KAT6B: variants seen among roughly 807,000 people sequenced by gnomAD.
KAT6B encodes histone acetyltransferase KAT6B.
Under a neutral mutation model 187.5 loss-of-function variants are expected in KAT6B, and 10 were observed. The ratio of observed to expected loss-of-function variants is 0.05; its 90% CI spans 0.03 to 0.09. KAT6B has a LOEUF of 0.09. Ranked by LOEUF, KAT6B falls within the 10% of genes least tolerant of loss-of-function variation. The probability of loss-of-function intolerance (pLI) is 1.00; values close to 1 mark genes in which losing one functional copy is unlikely to be tolerated. For synonymous variants in KAT6B, 861 were observed against 926.8 expected (o/e 0.93, Z 1.29); for missense variants, 1,952 against 2,558.9 (o/e 0.76, Z 5.12).
At chr10:74,826,567 T>C (rs1840238246), upstream of KAT6B, 1 of 152,684 alleles carries the variant, frequency 6.5e-6, no homozygotes, top group African/African-American at 2.4e-5. Context: ...GGACCGCGAC[T>C]CGGGTTTAAT....
At position 75,029,933 on chromosome 10, in the gene KAT6B, C is replaced by T; in HGVS notation, c.5109C>T (p.Ser1703=). The change falls in exon 18 of 18, where the codon AGC becomes AGT. Residue 1703 remains serine (S), a synonymous_variant. Transcript: ENST00000287239. This position sits in a 1 kb window ranked among gnomAD's most constrained non-coding sequence, Gnocchi z 6.2. ...SICGNGSSQN[S]CSYSNLTSSS... ...GTGGAAACGGCTCTTCACAGAACAGCTGCTCCTATAGCAACCTCACCTCCA... is the reference window on the plus strand; with the variant it reads ...GTGGAAACGGCTCTTCACAGAACAGTTGCTCCTATAGCAACCTCACCTCCA... 1 of 1,614,244 alleles carries T rather than the reference C, an allele frequency of 6.2e-7. No homozygotes were observed. The highest frequency in any genetic ancestry group is 2.2e-5 in the East Asian group (1 of 44,890).
chr10:74,897,383 C>A (rs1191446731), intron 3 of KAT6B, among the ~76,000 whole-genome samples: 1 of 152,208 alleles, frequency 6.6e-6, no homozygotes, highest in South Asian at 2.1e-4. Flanking sequence ...ACCTAGAGTA[C>A]CTGTTTTCTG....
At position 74,979,237 on chromosome 10, in the gene KAT6B, A is replaced by C. The variant is rs371823072; in HGVS notation, c.2129A>C (p.Glu710Ala). Residue 710 changes from glutamate (E) to alanine (A), a missense_variant, in exon 10 of 18, where the codon GAG becomes GCG. This residue lies in a region of KAT6B where 417 missense variants were observed against 508.9 expected (regional missense o/e 0.82). Transcript: ENST00000287239. ...TCTATTTGACAGAAAATAGAGTGTG[A>C]GAGTGGGGTGGAAGACTGTGGCCGG... ...QELSWEKIECESGVEDCGRYP... is the reference protein window; with the variant it reads ...QELSWEKIECASGVEDCGRYP... 6.2e-7 allele frequency: 1 copy of C among 1,611,132 alleles called. No homozygotes were observed. Among genetic ancestry groups the C allele is most frequent in the African/African-American group, 1.3e-5 (1 of 74,840 alleles).
chr10:74,826,995 CTCTAGGGCAAGGGGGCGGGG>C (rs1840304809), intron 1 of KAT6B: 1 of 138 alleles, frequency 7.2e-3, no homozygotes, highest in Non-Finnish European at 0.017. Flanking sequence ...CTCGGCAGGG[CTCTAGGGCAAGGGGGCGGGG>C]CTCGAGGGCG....
At chr10:75,027,160 T>C (rs566811383) in intron 17 of KAT6B, among the ~76,000 whole-genome samples, 3 of 152,122 alleles carry the variant, frequency 2.0e-5, no homozygotes, top group Admixed American at 2.0e-4. Flanking sequence ...GAATGTGGAA[T>C]CCGGGGGCAC....
In KAT6B at chr10:74,992,296, G is replaced by A. The variant is rs563527609; in HGVS notation, c.2629+3184G>A. On this transcript the variant is annotated intron_variant, in intron 13 of 17. Transcript: ENST00000287239. Reference sequence around the variant, plus strand: ...ACATGGGTGGAATGTGATGCACTGTGTGTATATACATGCTCCTAGACTTAC... The same window carrying A: ...ACATGGGTGGAATGTGATGCACTGTATGTATATACATGCTCCTAGACTTAC... Among the ~76,000 whole-genome samples the A allele has an allele frequency of 3.3e-5, 5 of 152,300 alleles. No homozygotes were observed. In the South Asian group the frequency reaches 1.0e-3, roughly 32 times the overall value.
At chr10:74,976,499 C>G in intron 8 of KAT6B, 169 bp downstream of exon 8, 1 of 661,088 alleles carries the variant, frequency 1.5e-6, no homozygotes, top group Non-Finnish European at 2.7e-6. Context: ...TTTTCTAATG[C>G]TGACTAAACC....
chr10:74,842,496 TC>T (rs1452331187), intron 2 of KAT6B, 103 bp from the exon 3 acceptor site: 3 of 495,020 alleles, frequency 6.1e-6, no homozygotes, highest in Non-Finnish European at 1.0e-5. Flanking sequence ...TGTCATTACT[TC>T]TTGTGGTCAT....
intron 3 of KAT6B, among the ~76,000 whole-genome samples, chr10:74,905,876 G>T (rs1272392074): frequency 6.6e-6 from 1 of 152,108 alleles, no homozygotes; most frequent in Non-Finnish European, 1.5e-5. Flanking sequence ...TTCCATCCAT[G>T]CCTTGCAATG....
chr10:74,985,309 G>T, intron 12 of KAT6B, 68 bp downstream of exon 12: 2 of 1,445,002 alleles, frequency 1.4e-6, no homozygotes, highest in South Asian at 1.2e-5. Flanking sequence ...CCAATTCTTT[G>T]AACAGGGCTT....
At chr10:75,027,779 A>G (rs1218583703) in intron 17 of KAT6B, among the ~76,000 whole-genome samples, 1 of 152,216 alleles carries the variant, frequency 6.6e-6, no homozygotes, top group Non-Finnish European at 1.5e-5. Flanking sequence ...TCCAGAATTC[A>G]GTGTGGACAG....
chr10:74,963,502 G>C (rs1841244690), intron 4 of KAT6B, among the ~76,000 whole-genome samples: 1 of 152,142 alleles, frequency 6.6e-6, no homozygotes, highest in Non-Finnish European at 1.5e-5. Context: ...AGCTGGGTGA[G>C]TGAGAGAAAT....
chr10:74,910,239 G>A (rs1346176070), intron 3 of KAT6B, among the ~76,000 whole-genome samples: 6 of 151,990 alleles, frequency 3.9e-5, no homozygotes, highest in African/African-American at 1.2e-4. Context: ...CGGAGGTTGC[G>A]GTGAGCCAAG....
intron 3 of KAT6B, among the ~76,000 whole-genome samples, chr10:74,952,537 CTAGT>C (rs1348235290): frequency 6.6e-6 from 1 of 152,128 alleles, no homozygotes; most frequent in Non-Finnish European, 1.5e-5. Flanking sequence ...CTCCATCTCA[CTAGT>C]TAGGTGACCT....
At chr10:74,935,251 A>G (rs563264974) in intron 3 of KAT6B, among the ~76,000 whole-genome samples, 2 of 142,534 alleles carry the variant, frequency 1.4e-5, no homozygotes, top group South Asian at 4.8e-4. Context: ...CCGATATTAT[A>G]CATATGTACA....
Position 74,907,660 on chromosome 10 carries a change from G to T in KAT6B, c.622-52310G>T, listed in dbSNP as rs1846871988. On this transcript the variant is annotated intron_variant, in intron 3 of 17. Transcript: ENST00000287239. ...TTCTCCTACCTCAGCTTCCCAAGTA[G>T]CTGGGATTACAAGTGCCCACCACTA... Among the ~76,000 whole-genome samples, 4 of 152,072 alleles carry T rather than the reference G, an allele frequency of 2.6e-5. No individual in the cohort carries two copies. The South Asian group carries it at 8.3e-4, about 32-fold the overall frequency.
chr10:74,942,679 C>T (rs1293171427), intron 3 of KAT6B, among the ~76,000 whole-genome samples: 2 of 143,122 alleles, frequency 1.4e-5, no homozygotes, highest in African/African-American at 2.7e-5. Flanking sequence ...TCAGGAGAAT[C>T]GCTTGAACCC....
chr10:74,999,472 G>A (rs1843680495), intron 13 of KAT6B, among the ~76,000 whole-genome samples: 1 of 152,180 alleles, frequency 6.6e-6, no homozygotes, highest in Non-Finnish European at 1.5e-5. Context: ...GGAGTGCTTG[G>A]AGTGTTAACA....
At chr10:74,995,549 T>G (rs1804720124) in intron 13 of KAT6B, among the ~76,000 whole-genome samples, 1 of 152,198 alleles carries the variant, frequency 6.6e-6, no homozygotes, top group African/African-American at 2.4e-5. Context: ...AATGAGCAGA[T>G]AGATGTGCAT....
Sources: gnomAD v4.1 joint callset for allele counts (sites outside exome capture counted in the v4.1 genomes callset) on GRCh38, gnomAD v4.1.1 for gene constraint, gnomAD v4.1.1 regional missense constraint, Gnocchi (gnomAD v3.1) non-coding constraint, MANE v1.5 for transcripts, NCBI Gene and HGNC (gene_info 2026-07-23, HGNC 2026-07-21) for gene names.